ZNF609: variants seen among roughly 807,000 people sequenced by gnomAD.
The protein encoded by ZNF609 is zinc finger protein 609.
Under a neutral mutation model 109.5 loss-of-function variants are expected in ZNF609, and 11 were observed. The ratio of observed to expected loss-of-function variants is 0.10; its 90% CI spans 0.06 to 0.17. The LOEUF (loss-of-function observed/expected upper bound fraction) is 0.17, where lower values mean the gene tolerates loss of function less well. Among genes scored for constraint, ZNF609 ranks in the 10% least tolerant of loss-of-function variants. The pLI is 1.00. For missense variants in ZNF609, 1,559 were observed against 1,772.4 expected, an observed-to-expected ratio of 0.88 and a Z score of 2.16; for synonymous variants, 646 against 662.0, an observed-to-expected ratio of 0.98 and a Z score of 0.37.
intron 2 of ZNF609, among the ~76,000 whole-genome samples, chr15:64,608,954 C>G (rs895542421): frequency 6.6e-6 from 1 of 152,094 alleles, no homozygotes; most frequent in African/African-American, 2.4e-5. Context: ...CCCTGCAGAT[C>G]TGGAAATCCT....
chr15:64,611,696 GAAAC>G (rs1895717882), intron 2 of ZNF609, among the ~76,000 whole-genome samples: 1 of 151,368 alleles, frequency 6.6e-6, no homozygotes, highest in Admixed American at 6.6e-5. Flanking sequence ...AAAAGAGAAA[GAAAC>G]AAAATTTAAT....
intron 8 of ZNF609, 61 bp downstream of exon 8, chr15:64,680,923 C>A (rs891109491): frequency 1.5e-5 from 24 of 1,579,560 alleles, no homozygotes; most frequent in Non-Finnish European, 2.0e-5. Context: ...TATCTTCATC[C>A]CAGTAGTAAT....
intron 2 of ZNF609, among the ~76,000 whole-genome samples, chr15:64,598,369 A>G (rs896815747): frequency 2.0e-5 from 3 of 151,986 alleles, no homozygotes; most frequent in Non-Finnish European, 4.4e-5. Context: ...ACCTGCTTCA[A>G]CCTCCAAAAG....
intron 3 of ZNF609, among the ~76,000 whole-genome samples, chr15:64,666,810 C>T (rs1027175448): frequency 9.2e-5 from 14 of 151,566 alleles, no homozygotes; most frequent in African/African-American, 3.4e-4. Flanking sequence ...CCACCGCACC[C>T]GGCTTAATCC....
intron 2 of ZNF609, among the ~76,000 whole-genome samples, chr15:64,540,007 C>T (rs953258598): frequency 2.6e-5 from 4 of 152,282 alleles, no homozygotes; most frequent in African/African-American, 7.2e-5. Context: ...CTTGGGCTCA[C>T]GTGATCCTCT....
chr15:64,579,291 G>T (rs1895054534), intron 2 of ZNF609, among the ~76,000 whole-genome samples: 1 of 151,552 alleles, frequency 6.6e-6, no homozygotes, highest in African/African-American at 2.4e-5. Context: ...CATGCCTATA[G>T]TCTCAGCTAC....
intron 2 of ZNF609, among the ~76,000 whole-genome samples, chr15:64,545,940 A>G (rs1753150189): frequency 6.6e-6 from 1 of 152,186 alleles, no homozygotes; most frequent in East Asian, 1.9e-4. Flanking sequence ...ACTTCTGGCT[A>G]TTATAAATAA....
At chr15:64,586,653 C>T (rs1203268066) in intron 2 of ZNF609, among the ~76,000 whole-genome samples, 1 of 151,942 alleles carries the variant, frequency 6.6e-6, no homozygotes, top group East Asian at 1.9e-4. Flanking sequence ...GTCCCGCCAA[C>T]CCCCCTCTGT....
chr15:64,669,966 C>G (rs1406859403), intron 3 of ZNF609, among the ~76,000 whole-genome samples: 1 of 152,058 alleles, frequency 6.6e-6, no homozygotes, highest in Non-Finnish European at 1.5e-5. Flanking sequence ...CCACTCCCGG[C>G]CAAAAAAAAA....
intron 2 of ZNF609, among the ~76,000 whole-genome samples, chr15:64,610,762 T>G (rs1185839359): frequency 6.6e-6 from 1 of 152,140 alleles, no homozygotes; most frequent in Non-Finnish European, 1.5e-5. Flanking sequence ...GAGCAAAATG[T>G]GATTTGTGAT....
At chr15:64,478,772 G>T (rs79145977) in intron 1 of ZNF609, among the ~76,000 whole-genome samples, 1,550 of 152,208 alleles carry the variant, frequency 0.01, 32 homozygotes, top group African/African-American at 0.034. Flanking sequence ...GGTCTTCTGG[G>T]CAGATTTTAT....
chr15:64,476,464 T>A (rs1480946349), intron 1 of ZNF609, among the ~76,000 whole-genome samples: 1 of 152,122 alleles, frequency 6.6e-6, no homozygotes, highest in Non-Finnish European at 1.5e-5. Flanking sequence ...GTTGCAACCC[T>A]AAATAAGATG....
chr15:64,506,191 C>G (rs1893634709), intron 2 of ZNF609, among the ~76,000 whole-genome samples: 1 of 151,300 alleles, frequency 6.6e-6, no homozygotes, highest in South Asian at 2.1e-4. Context: ...CTCTGCCGCC[C>G]AGGCTGGAGT....
chr15:64,630,111 T>C (rs1332535791), intron 3 of ZNF609, among the ~76,000 whole-genome samples: 10 of 150,680 alleles, frequency 6.6e-5, no homozygotes. Context: ...TTTTTTTTTT[T>C]TTTTGAGACA....
chr15:64,675,397 T>A lies in ZNF609; in HGVS notation c.2543T>A (p.Ile848Asn). The change falls in exon 5 of 10, where the codon ATC becomes AAC. Residue 848 changes from isoleucine to asparagine, a missense_variant. Ile to Asn is a moderately radical substitution (Grantham distance 149). Around this residue, in one of 4 missense-constraint regions of ZNF609, gnomAD observed 1,204 missense variants for 1,314.1 expected, o/e 0.92. Coordinates refer to ENST00000326648, the MANE Select transcript of ZNF609 (RefSeq NM_015042.2). ...ACCAACAGCCCTGCATACTCTGACA[T>A]CTCTGATGCTGGGGAGGATGGGGAG... ...VKTNSPAYSD[I>N]SDAGEDGEGK... 1 of 1,614,134 alleles carries A rather than the reference T, an allele frequency of 6.2e-7. No individual in the cohort carries two copies. Among genetic ancestry groups the A allele is most frequent in the Non-Finnish European group, 8.5e-7 (1 of 1,180,030 alleles).
intron 3 of ZNF609, among the ~76,000 whole-genome samples, chr15:64,656,168 A>C (rs1207019323): frequency 6.6e-6 from 1 of 151,942 alleles, no homozygotes; most frequent in South Asian, 2.1e-4. Flanking sequence ...TGTTCAGGCA[A>C]TTCTCTTGCC....
At chr15:64,526,368 A>C (rs1033951654) in intron 2 of ZNF609, among the ~76,000 whole-genome samples, 2 of 151,938 alleles carry the variant, frequency 1.3e-5, no homozygotes, top group South Asian at 2.1e-4. Flanking sequence ...AGGATTTTCT[A>C]TATATGAGAT....
At chr15:64,532,798 A>G (rs1187161733) in intron 2 of ZNF609, among the ~76,000 whole-genome samples, 1 of 152,150 alleles carries the variant, frequency 6.6e-6, no homozygotes, top group Non-Finnish European at 1.5e-5. Context: ...GCCCCTTCCA[A>G]TCCTCCTGGA....
intron 3 of ZNF609, among the ~76,000 whole-genome samples, chr15:64,624,481 G>T (rs182404180): frequency 8.6e-5 from 13 of 151,708 alleles, no homozygotes; most frequent in Admixed American, 2.6e-4. Context: ...AGAATAAATC[G>T]ATTTCCTGCC....
Sources: gnomAD v4.1 joint callset for allele counts (sites outside exome capture counted in the v4.1 genomes callset) on GRCh38, gnomAD v4.1.1 for gene constraint, gnomAD v4.1.1 regional missense constraint, MANE v1.5 for transcripts, NCBI Gene and HGNC (gene_info 2026-07-23, HGNC 2026-07-21) for gene names.